PICALM: variants seen among roughly 807,000 people sequenced by gnomAD.
PICALM encodes phosphatidylinositol-binding clathrin assembly protein.
Under a neutral mutation model 80.5 loss-of-function variants are expected in PICALM, and 40 were observed. That is an observed-to-expected ratio of 0.50 (90% CI 0.39 to 0.65). The LOEUF (loss-of-function observed/expected upper bound fraction) is 0.65. Among genes scored for constraint, PICALM ranks in the 30% least tolerant of loss-of-function variants. PICALM has a pLI of 0.00. For synonymous variants in PICALM, 288 were observed against 260.3 expected (o/e 1.11, Z -1.02); for missense variants, 676 against 778.9 (o/e 0.87, Z 1.57).
At chr11:85,999,631 G>GC (rs2095082942) in intron 11 of PICALM, among the ~76,000 whole-genome samples, 1 of 152,228 alleles carries the variant, frequency 6.6e-6, no homozygotes, top group African/African-American at 2.4e-5. Flanking sequence ...GGAGCAGGTA[G>GC]CAACTGAGCA....
chr11:85,990,107 T>A, intron 13 of PICALM, 143 bp downstream of exon 13: 1 of 352,916 alleles, frequency 2.8e-6, no homozygotes, highest in South Asian at 8.3e-5. Context: ...AAAACCTCAC[T>A]ACATTATGGC....
chr11:86,056,592 C>A (rs545077400), intron 1 of PICALM, among the ~76,000 whole-genome samples: 3 of 152,214 alleles, frequency 2.0e-5, no homozygotes, highest in Non-Finnish European at 4.4e-5. Flanking sequence ...AAAACAGTGT[C>A]ACTGATGTGG....
intron 13 of PICALM, among the ~76,000 whole-genome samples, chr11:85,985,974 A>C (rs1481029078): frequency 6.6e-6 from 1 of 152,186 alleles, no homozygotes; most frequent in Admixed American, 6.5e-5. Context: ...ACTTTCTGTA[A>C]AAAGAGGAGC....
At chr11:86,059,600 G>C (rs1453853343) in intron 1 of PICALM, among the ~76,000 whole-genome samples, 1 of 152,112 alleles carries the variant, frequency 6.6e-6, no homozygotes, top group African/African-American at 2.4e-5. Context: ...CTAGGAAAGA[G>C]ACCCCTTTCT....
Position 86,000,766 on chromosome 11 carries a change from T to C in PICALM, c.1031A>G (p.Lys344Arg), listed in dbSNP as rs367815248. The C allele has an allele frequency of 6.2e-7, 1 of 1,612,944 alleles. No individual in the cohort carries two copies. Among genetic ancestry groups the C allele is most frequent in the African/African-American group, 1.3e-5 (1 of 74,878 alleles). Reference protein sequence around the residue: ...RLKALKEQRLKELAKKPHTSL... With the variant: ...RLKALKEQRLRELAKKPHTSL... ...GGTATGAGGTTTCTTTGCAAGTTCT[T>C]TTAGGCGCTGTTCCTGTTAAGAAAG... Residue 344 changes from lysine (K) to arginine (R), a missense_variant, in exon 11 of 20, where the codon AAA becomes AGA. Physicochemically the swap from Lys to Arg is conservative, Grantham distance 26. Transcript: ENST00000393346.
chr11:86,050,219 A>AC (rs2096159650), intron 1 of PICALM, among the ~76,000 whole-genome samples: 1 of 151,352 alleles, frequency 6.6e-6, no homozygotes. Context: ...AAAAAAAAAA[A>AC]AAAAAACTAT....
chr11:86,014,340 G>A (rs1263341161), intron 5 of PICALM, among the ~76,000 whole-genome samples: 1 of 152,122 alleles, frequency 6.6e-6, no homozygotes, highest in Non-Finnish European at 1.5e-5. Context: ...AGTTGAAAAC[G>A]TTAACTTCTA....
At chr11:86,025,561 TTTTG>T (rs1446601907) in intron 3 of PICALM, among the ~76,000 whole-genome samples, 4 of 152,114 alleles carry the variant, frequency 2.6e-5, no homozygotes, top group East Asian at 3.9e-4. Context: ...GCATTTCTTT[TTTTG>T]TTTGTTTTTT....
chr11:85,974,459 C>T (rs753906641), intron 19 of PICALM: 1 of 602,948 alleles, frequency 1.7e-6, no homozygotes, highest in Non-Finnish European at 3.2e-6. Flanking sequence ...GAAAAATCAT[C>T]CTTTGGATCT....
Position 86,022,355 on chromosome 11 carries a change from A to C in PICALM, c.452+12T>G. 7.1e-7 allele frequency: 1 copy of C among 1,405,274 alleles called. No homozygotes were observed. Among genetic ancestry groups the C allele is most frequent in the Non-Finnish European group, 9.9e-7 (1 of 1,013,690 alleles). The allele number at this position is 1,405,274 out of a possible 1,614,324, so 87.1% of individuals were successfully genotyped here. On this transcript the variant is annotated intron_variant, in intron 4 of 19. Transcript: ENST00000393346. ...TTCAAATCAATTAGATGTCAAAAAA[A>C]GCTTAACTCACCCTCTCTTCACTTT...
At chr11:86,050,473 A>G (rs992271000) in intron 1 of PICALM, among the ~76,000 whole-genome samples, 1 of 152,158 alleles carries the variant, frequency 6.6e-6, no homozygotes, top group African/African-American at 2.4e-5. Flanking sequence ...CTAATATTAA[A>G]CAGATACATG....
intron 17 of PICALM, chr11:85,978,215 A>G: frequency 1.3e-6 from 1 of 774,398 alleles, no homozygotes; most frequent in Non-Finnish European, 2.3e-6. Context: ...ACTACCTAAA[A>G]TCCCTTGTAT....
At chr11:85,985,211 G>C (rs545178319) in intron 13 of PICALM, among the ~76,000 whole-genome samples, 1 of 152,114 alleles carries the variant, frequency 6.6e-6, no homozygotes, top group Non-Finnish European at 1.5e-5. Flanking sequence ...AGGACATAAA[G>C]TATAATGATG....
intron 1 of PICALM, among the ~76,000 whole-genome samples, chr11:86,064,805 G>T (rs964285461): frequency 2.0e-5 from 3 of 151,928 alleles, no homozygotes; most frequent in African/African-American, 7.3e-5. Flanking sequence ...CAGGCATGCT[G>T]GCTCACACCT....
intron 5 of PICALM, among the ~76,000 whole-genome samples, chr11:86,014,017 AGG>A (rs773404823): frequency 2.0e-5 from 3 of 152,220 alleles, no homozygotes; most frequent in Non-Finnish European, 2.9e-5. Flanking sequence ...ATACAAAAAC[AGG>A]CAGTAAGCTG....
At chr11:86,044,851 A>G (rs547136642) in intron 1 of PICALM, among the ~76,000 whole-genome samples, 32 of 152,330 alleles carry the variant, frequency 2.1e-4, no homozygotes, top group African/African-American at 7.5e-4. Flanking sequence ...TCTAATGCCT[A>G]TGATCGAGGT....
intron 18 of PICALM, among the ~76,000 whole-genome samples, chr11:85,975,645 G>T (rs1437180219): frequency 8.4e-6 from 1 of 119,476 alleles, no homozygotes; most frequent in African/African-American, 3.3e-5. Flanking sequence ...TGCCCAGACT[G>T]GAGTGCAGTG....
chr11:85,990,474 T>C, intron 12 of PICALM, 75 bp from the exon 13 acceptor site: 2 of 894,912 alleles, frequency 2.2e-6, no homozygotes, highest in African/African-American at 1.7e-5. Context: ...AGTCAAAAGA[T>C]GCAAAGTGAA....
At chr11:86,032,622 C>A (rs1275627049) in intron 1 of PICALM, among the ~76,000 whole-genome samples, 1 of 151,764 alleles carries the variant, frequency 6.6e-6, no homozygotes, top group Non-Finnish European at 1.5e-5. Flanking sequence ...TGAGACTCTG[C>A]CTCAATAAAA....
Sources: gnomAD v4.1 joint callset for allele counts (sites outside exome capture counted in the v4.1 genomes callset) on GRCh38, gnomAD v4.1.1 for gene constraint, MANE v1.5 for transcripts, NCBI Gene and HGNC (gene_info 2026-07-23, HGNC 2026-07-21) for gene names.